PAX7: variants seen among roughly 807,000 people sequenced by gnomAD.
PAX7 encodes the protein paired box 7.
Under a neutral mutation model 50.7 loss-of-function variants are expected in PAX7, and 18 were observed. The observed-to-expected ratio is 0.36, with a 90% CI of 0.25 to 0.53. The LOEUF is 0.53. PAX7 is among the 20% of genes least tolerant of loss of function. PAX7 has a pLI of 0.93. For synonymous variants in PAX7, 310 were observed against 290.4 expected, an observed-to-expected ratio of 1.07 and a Z score of -0.69; for missense variants, 644 against 702.9, an observed-to-expected ratio of 0.92 and a Z score of 0.95.
intron 7 of PAX7, among the ~76,000 whole-genome samples, chr1:18,713,889 G>A (rs930977415): frequency 1.3e-5 from 2 of 152,156 alleles, no homozygotes; most frequent in African/African-American, 4.8e-5. Flanking sequence ...GGACACAGTG[G>A]AATGAACATA....
chr1:18,703,244 C>T lies in PAX7; in HGVS notation c.1103C>T (p.Pro368Leu), dbSNP rs2089244704. Residue 368 changes from proline (P) to leucine (L), a missense_variant, in exon 7 of 9, where the codon CCG becomes CTG. By Grantham distance (98) the Pro-to-Leu change is moderately conservative (BLOSUM62 -3). Transcript: ENST00000420770. ...AGCTACTCTGACAGCTTCATGAATC[C>T]GGCGGCGCCCTCCAACCACATGAAC... ...FSSYSDSFMN[P>L]AAPSNHMNPV... 6.2e-7 allele frequency: 1 copy of T among 1,614,180 alleles called. No individual in the cohort carries two copies. The highest frequency in any genetic ancestry group is 8.5e-7 in the Non-Finnish European group (1 of 1,180,006).
intron 5 of PAX7, among the ~76,000 whole-genome samples, chr1:18,693,073 AGTC>A (rs1380467882): frequency 1.3e-5 from 2 of 152,134 alleles, no homozygotes; most frequent in African/African-American, 4.8e-5. Flanking sequence ...AGCCGGGACA[AGTC>A]GTGATGAACG....
At chr1:18,664,254 G>T (rs2088636627) in intron 4 of PAX7, among the ~76,000 whole-genome samples, 1 of 149,770 alleles carries the variant, frequency 6.7e-6, no homozygotes, top group Non-Finnish European at 1.5e-5. Flanking sequence ...GGCAGAGCTG[G>T]GACAGATTCC....
At chr1:18,657,176 T>A (rs1488780683) in intron 4 of PAX7, among the ~76,000 whole-genome samples, 1 of 152,004 alleles carries the variant, frequency 6.6e-6, no homozygotes, top group Non-Finnish European at 1.5e-5. Context: ...CAGGTTGAGA[T>A]CCCATTGCTT....
chr1:18,664,136 G>C (rs577545980), intron 4 of PAX7, among the ~76,000 whole-genome samples: 1 of 152,350 alleles, frequency 6.6e-6, no homozygotes, highest in South Asian at 2.1e-4. Flanking sequence ...ACACTCCTCA[G>C]ATGTCAGCTC....
At chr1:18,744,790 A>G (rs945051586) in intron 8 of PAX7, 24 bp from the exon 9 acceptor site, 1 of 1,402,490 alleles carries the variant, frequency 7.1e-7, no homozygotes, top group African/African-American at 1.4e-5. Flanking sequence ...CTCAATTTCT[A>G]GGAGAGTCTC....
intron 4 of PAX7, among the ~76,000 whole-genome samples, chr1:18,671,140 C>A (rs2088742848): frequency 6.6e-6 from 1 of 152,162 alleles, no homozygotes; most frequent in Non-Finnish European, 1.5e-5. Context: ...GGCAGGAAGG[C>A]AGCAGGACTT....
chr1:18,675,495 C>T (rs2088810969), intron 4 of PAX7, among the ~76,000 whole-genome samples: 2 of 152,182 alleles, frequency 1.3e-5, no homozygotes, highest in Admixed American at 1.3e-4. Context: ...CATCTCTCCT[C>T]TCCCCAGCCC....
At position 18,631,135 on chromosome 1, in the gene PAX7, G is replaced by T; in HGVS notation, c.-469G>T. 1 of 234,936 alleles carries T rather than the reference G, an allele frequency of 4.3e-6. No homozygotes were observed. The highest frequency in any genetic ancestry group is 8.4e-6 in the Non-Finnish European group (1 of 119,364). 14.6% of individuals were successfully genotyped at this position (234,936 alleles called of 1,614,324 possible). ...ACGAAATCCACTCCGCAGTCTCCGG[G>T]CTCGGAAACTTTGGCCCCGAGCGCC... On this transcript the variant is annotated 5_prime_UTR_variant, in exon 1 of 9. Transcript: ENST00000420770.
intron 7 of PAX7, among the ~76,000 whole-genome samples, chr1:18,727,811 C>T (rs1462333739): frequency 6.6e-6 from 1 of 152,028 alleles, no homozygotes; most frequent in Non-Finnish European, 1.5e-5. Context: ...ACGGCAGGTG[C>T]AGGGCTTCGG....
At chr1:18,727,075 T>C (rs1332270406) in intron 7 of PAX7, among the ~76,000 whole-genome samples, 1 of 152,104 alleles carries the variant, frequency 6.6e-6, no homozygotes, top group East Asian at 1.9e-4. Flanking sequence ...GCAATACTTA[T>C]GCACACACAA....
At chr1:18,706,173 C>T (rs2089280691) in intron 7 of PAX7, among the ~76,000 whole-genome samples, 1 of 152,198 alleles carries the variant, frequency 6.6e-6, no homozygotes, top group African/African-American at 2.4e-5. Flanking sequence ...ACCATCAGCA[C>T]ATCACTGTGG....
rs564993261 is a variant in PAX7 at position 18,671,179 on chromosome 1, G to A, written c.587-20575G>A. ...TTTGAGGTAGAGAGGGGCCTAGAAG[G>A]CAATTCGGGAGAGGACTAGAATATT... is the stretch of plus-strand genomic sequence containing the variant. On this transcript the variant is annotated intron_variant, in intron 4 of 8. Coordinates refer to ENST00000420770, the MANE Select transcript of PAX7 (RefSeq NM_001135254.2). Among the ~76,000 whole-genome samples, 53 of 152,324 alleles carry A rather than the reference G, an allele frequency of 3.5e-4. 1 individual carries two copies. The highest frequency in any genetic ancestry group is 1.2e-3 in the African/African-American group (51 of 41,576).
rs988891338 is a variant in PAX7, at chr1:18,747,984, T to C, written c.*3055T>C. 1 of 200,830 alleles carries C rather than the reference T, an allele frequency of 5.0e-6. No individual in the cohort carries two copies. Among genetic ancestry groups the C allele is most frequent in the Admixed American group, 6.0e-5 (1 of 16,594 alleles). The allele number at this position is 200,830 out of a possible 1,614,324, so 12.4% of individuals were successfully genotyped here. ...TTCATTTGGTATTTCTCTCTTGCTATATAAAGAAAAAAAGAAGTGATGTGT... is the reference window on the plus strand; with the variant it reads ...TTCATTTGGTATTTCTCTCTTGCTACATAAAGAAAAAAAGAAGTGATGTGT... On this transcript the variant is annotated 3_prime_UTR_variant, in exon 9 of 9. Coordinates refer to ENST00000420770, the MANE Select transcript of PAX7 (RefSeq NM_001135254.2).
Position 18,697,241 on chromosome 1 carries a change from G to C in PAX7, c.787-3412G>C, listed in dbSNP as rs750518222. On this transcript the variant is annotated intron_variant, in intron 5 of 8. Coordinates refer to ENST00000420770, the MANE Select transcript of PAX7 (RefSeq NM_001135254.2). ...TATTGAGAGAAGGATCAGAAATGAA[G>C]AATAAAACCCAGCGCCTGCTTTCAA... is the stretch of plus-strand genomic sequence containing the variant. 3.3e-5 allele frequency among the ~76,000 whole-genome samples: 5 copies of C among 152,276 alleles called. No individual in the cohort carries two copies. In the South Asian group the frequency reaches 6.2e-4, roughly 19 times the overall value.
intron 4 of PAX7, among the ~76,000 whole-genome samples, chr1:18,678,415 A>G (rs1461895254): frequency 6.6e-6 from 1 of 152,058 alleles, no homozygotes; most frequent in Non-Finnish European, 1.5e-5. Flanking sequence ...TAAAAAAAAA[A>G]GTGTTCTAGA....
intron 4 of PAX7, among the ~76,000 whole-genome samples, chr1:18,663,270 A>T (rs1183048734): frequency 6.6e-6 from 1 of 152,232 alleles, no homozygotes; most frequent in East Asian, 1.9e-4. Context: ...CTGAGGAGCC[A>T]TTGCTGTCCC....
At chr1:18,676,965 G>A (rs1018880678) in intron 4 of PAX7, among the ~76,000 whole-genome samples, 1 of 152,182 alleles carries the variant, frequency 6.6e-6, no homozygotes, top group Admixed American at 6.5e-5. Flanking sequence ...GTGAAGTCAG[G>A]GACAAACTTC....
chr1:18,729,289 G>C (rs1417683635), intron 7 of PAX7, among the ~76,000 whole-genome samples: 1 of 152,176 alleles, frequency 6.6e-6, no homozygotes, highest in Non-Finnish European at 1.5e-5. Flanking sequence ...AAAGTGCTCT[G>C]TGTGTCAAGC....
Sources: gnomAD v4.1 joint callset for allele counts (sites outside exome capture counted in the v4.1 genomes callset) on GRCh38, gnomAD v4.1.1 for gene constraint, MANE v1.5 for transcripts, NCBI Gene and HGNC (gene_info 2026-07-23, HGNC 2026-07-21) for gene names.